Variants in KCNIP4 observed in about 807,000 individuals in gnomAD.
KCNIP4 encodes Kv channel-interacting protein 4.
In KCNIP4, 12 loss-of-function variants were observed where a neutral mutation model predicts 34.0. The ratio of observed to expected loss-of-function variants is 0.35; its 90% CI spans 0.23 to 0.57. The LOEUF (loss-of-function observed/expected upper bound fraction) is 0.57, where lower values mean the gene tolerates loss of function less well. Among genes scored for constraint, KCNIP4 ranks in the 20% least tolerant of loss-of-function variants. KCNIP4 has a pLI of 0.83. For synonymous variants in KCNIP4, 124 were observed against 102.2 expected, an observed-to-expected ratio of 1.21 and a Z score of -1.29; for missense variants, 238 against 311.7, an observed-to-expected ratio of 0.76 and a Z score of 1.78.
chr4:21,801,449 T>A (rs1001081052), intron 1 of KCNIP4, among the ~76,000 whole-genome samples: 3 of 152,052 alleles, frequency 2.0e-5, no homozygotes, highest in Non-Finnish European at 4.4e-5. Context: ...GTGCCATGGA[T>A]TTGGTATTAA....
intron 3 of KCNIP4, among the ~76,000 whole-genome samples, chr4:20,778,741 C>T (rs1375105890): frequency 6.6e-6 from 1 of 152,076 alleles, no homozygotes; most frequent in Non-Finnish European, 1.5e-5. Context: ...ATGGTAGAGG[C>T]AGAAGCCAAG....
intron 1 of KCNIP4, among the ~76,000 whole-genome samples, chr4:21,267,593 T>C (rs1339094325): frequency 6.7e-6 from 1 of 148,384 alleles, no homozygotes; most frequent in African/African-American, 2.5e-5. Flanking sequence ...CTTTTCTGCA[T>C]CTGTTGAGAT....
At chr4:21,361,636 A>T (rs935615212) in intron 1 of KCNIP4, among the ~76,000 whole-genome samples, 1 of 151,844 alleles carries the variant, frequency 6.6e-6, no homozygotes, top group Non-Finnish European at 1.5e-5. Context: ...ACAATTTTTA[A>T]GCTGTCTGGA....
intron 1 of KCNIP4, among the ~76,000 whole-genome samples, chr4:21,209,884 A>C (rs897424733): frequency 1.3e-5 from 2 of 152,198 alleles, no homozygotes; most frequent in Non-Finnish European, 2.9e-5. Flanking sequence ...AGATCATTTA[A>C]TTTTTAAAAA....
intron 5 of KCNIP4, among the ~76,000 whole-genome samples, chr4:20,739,007 G>C (rs368440651): frequency 6.6e-6 from 1 of 152,294 alleles, no homozygotes; most frequent in African/African-American, 2.4e-5. Flanking sequence ...AGAAGTCCGA[G>C]ATCGAACTGC....
At chr4:21,199,547 T>C (rs1161606827) in intron 1 of KCNIP4, among the ~76,000 whole-genome samples, 2 of 152,210 alleles carry the variant, frequency 1.3e-5, no homozygotes, top group African/African-American at 4.8e-5. Context: ...TAGTTTCTTT[T>C]GCTGTGCAGA....
chr4:20,752,219 C>T (rs1041642753), intron 4 of KCNIP4, among the ~76,000 whole-genome samples: 4 of 152,070 alleles, frequency 2.6e-5, no homozygotes, highest in African/African-American at 9.6e-5. Context: ...CCACCATGCC[C>T]GGCGAATTTT....
At chr4:21,384,114 T>C (rs998443658) in intron 1 of KCNIP4, among the ~76,000 whole-genome samples, 1 of 152,090 alleles carries the variant, frequency 6.6e-6, no homozygotes, top group Non-Finnish European at 1.5e-5. Flanking sequence ...TTTTTGCATG[T>C]CTATCTCCTT....
intron 1 of KCNIP4, among the ~76,000 whole-genome samples, chr4:21,311,554 T>C (rs1209820603): frequency 6.6e-6 from 1 of 152,028 alleles, no homozygotes; most frequent in African/African-American, 2.4e-5. Flanking sequence ...CTGGGTGTGA[T>C]GGTGCGTGCC....
At chr4:21,200,801 A>AG (rs1164413631) in intron 1 of KCNIP4, among the ~76,000 whole-genome samples, 1 of 150,024 alleles carries the variant, frequency 6.7e-6, no homozygotes, top group African/African-American at 2.5e-5. Flanking sequence ...TAAAAAAAAT[A>AG]AAAATTTTTT....
chr4:21,915,088 G>A (rs1442102022), intron 1 of KCNIP4, among the ~76,000 whole-genome samples: 5 of 152,272 alleles, frequency 3.3e-5, no homozygotes, highest in African/African-American at 9.6e-5. Context: ...TGCTGTAGCG[G>A]CACAGAGAGT....
intron 1 of KCNIP4, among the ~76,000 whole-genome samples, chr4:20,915,793 C>T (rs1354665511): frequency 1.3e-5 from 2 of 152,112 alleles, no homozygotes; most frequent in African/African-American, 4.8e-5. Context: ...TATTTGACAA[C>T]ATCACTCTAA....
Position 21,691,113 on chromosome 4 carries a change from G to T in KCNIP4, c.61+257458C>A, listed in dbSNP as rs115326535. On this transcript the variant is annotated intron_variant, in intron 1 of 8. Transcript: ENST00000382152. ...TTTAAATAAAAAAGCCCAGTCAGTGGTAATACCAGTGGTGAGTGAATATAA... is the reference window on the plus strand; with the variant it reads ...TTTAAATAAAAAAGCCCAGTCAGTGTTAATACCAGTGGTGAGTGAATATAA... Among the ~76,000 whole-genome samples the T allele has an allele frequency of 8.5e-3, 1,293 of 152,302 alleles. 18 individuals are homozygous for T. The highest frequency in any genetic ancestry group is 0.03 in the African/African-American group (1,242 of 41,558).
chr4:21,671,658 A>T (rs1749510129), intron 1 of KCNIP4, among the ~76,000 whole-genome samples: 1 of 152,096 alleles, frequency 6.6e-6, no homozygotes, highest in Admixed American at 6.6e-5. Flanking sequence ...TGATTGATGG[A>T]GCCCCTATTC....
At chr4:21,695,550 T>C (rs376720909) in intron 1 of KCNIP4, among the ~76,000 whole-genome samples, 29 of 152,236 alleles carry the variant, frequency 1.9e-4, no homozygotes, top group African/African-American at 5.5e-4. Context: ...ATAATTTCCA[T>C]ATTATAAAGT....
intron 1 of KCNIP4, among the ~76,000 whole-genome samples, chr4:21,049,630 G>C (rs1742757146): frequency 1.3e-5 from 2 of 152,108 alleles, no homozygotes; most frequent in Non-Finnish European, 2.9e-5. Context: ...TACCCAGAAA[G>C]TTCTGCATGG....
At chr4:21,896,376 T>G (rs1231798461) in intron 1 of KCNIP4, among the ~76,000 whole-genome samples, 2 of 152,092 alleles carry the variant, frequency 1.3e-5, no homozygotes, top group African/African-American at 4.8e-5. Flanking sequence ...AAAGTATATG[T>G]AAAAATATAG....
intron 1 of KCNIP4, among the ~76,000 whole-genome samples, chr4:21,324,813 G>C (rs1714868572): frequency 6.6e-6 from 1 of 151,186 alleles, no homozygotes; most frequent in Non-Finnish European, 1.5e-5. Flanking sequence ...TGGTTATTTT[G>C]ATAGGAATTG....
Position 21,353,812 on chromosome 4 carries a change from G to T in KCNIP4, c.62-471103C>A, listed in dbSNP as rs553364253. Among the ~76,000 whole-genome samples the T allele has an allele frequency of 1.4e-3, 219 of 152,068 alleles. 1 individual carries two copies. Among genetic ancestry groups the T allele is most frequent in the Non-Finnish European group, 2.4e-3 (164 of 67,976 alleles). On this transcript the variant is annotated intron_variant, in intron 1 of 8. Coordinates refer to ENST00000382152, the MANE Select transcript of KCNIP4 (RefSeq NM_025221.6). Reference sequence around the variant, plus strand: ...AATACAGAGAACACCACAAAGATACGCCTTGAGAAGAGCAACCCCAAGACA... The same window carrying T: ...AATACAGAGAACACCACAAAGATACTCCTTGAGAAGAGCAACCCCAAGACA...
Sources: allele counts gnomAD v4.1 joint callset (sites outside exome capture counted in the v4.1 genomes callset), GRCh38; gene constraint gnomAD v4.1.1; transcripts MANE v1.5; gene names NCBI Gene and HGNC (gene_info 2026-07-23, HGNC 2026-07-21).